Variants in TFCP2L1 observed in about 807,000 individuals in gnomAD.
TFCP2L1 encodes the protein transcription factor CP2-like protein 1.
Under a neutral mutation model 72.2 loss-of-function variants are expected in TFCP2L1, and 12 were observed. The observed-to-expected ratio is 0.17, with a 90% CI of 0.11 to 0.27. The LOEUF is 0.27. Ranked by LOEUF, TFCP2L1 falls within the 10% of genes least tolerant of loss-of-function variation. The pLI is 1.00. For missense variants in TFCP2L1, 488 were observed against 624.6 expected (o/e 0.78, Z 2.33); for synonymous variants, 260 against 251.0 (o/e 1.04, Z -0.34).
intron 2 of TFCP2L1, among the ~76,000 whole-genome samples, chr2:121,250,163 A>G (rs1686575745): frequency 6.6e-6 from 1 of 152,216 alleles, no homozygotes; most frequent in Admixed American, 6.5e-5. Context: ...AAGGGTATGG[A>G]AATTATATTC....
chr2:121,239,721 C>T, intron 7 of TFCP2L1, 72 bp from the exon 8 acceptor site: 3 of 1,410,732 alleles, frequency 2.1e-6, no homozygotes, highest in Non-Finnish European at 2.9e-6. Context: ...TCCTCCCAAG[C>T]AGGCATGCAC....
chr2:121,268,685 A>T (rs1469889323), intron 2 of TFCP2L1, among the ~76,000 whole-genome samples: 1 of 151,736 alleles, frequency 6.6e-6, no homozygotes, highest in Non-Finnish European at 1.5e-5. Flanking sequence ...CCAGACTGGG[A>T]GCTGGGTACA....
rs758603684 is a variant in TFCP2L1 at position 121,237,838 on chromosome 2, C to T, written c.873G>A (p.Pro291=). The change falls in exon 9 of 15, where the codon CCG becomes CCA. Residue 291 remains proline, a synonymous_variant. Coordinates refer to ENST00000263707, the MANE Select transcript of TFCP2L1 (RefSeq NM_014553.3). ...SFGLGEGNAS[P]THPVEALPVG... The stretch of plus-strand genomic sequence containing the variant: ...CGGGCAGGGCCTCCACCGGGTGGGT[C>T]GGAGAGGCGTTGCTGCAAGGAAAAG... 21 of 1,614,004 alleles carry T rather than the reference C, an allele frequency of 1.3e-5. No homozygotes were observed. The highest frequency in any genetic ancestry group is 5.0e-5 in the Admixed American group (3 of 60,004).
At position 121,234,112 on chromosome 2, in the gene TFCP2L1, T is replaced by C; in HGVS notation, c.1177A>G (p.Ser393Gly). The change falls in exon 12 of 15, where the codon AGT becomes GGT. Residue 393 changes from serine (S) to glycine (G), a missense_variant. Around this residue, in one of 3 missense-constraint regions of TFCP2L1, gnomAD observed 286 missense variants for 329.0 expected, o/e 0.87. Transcript: ENST00000263707. Reference protein sequence around the residue: ...RVPLQQKRDGSGDSNLSVYHA... With the variant: ...RVPLQQKRDGGGDSNLSVYHA... ...TCACCAGACAGGTTGCTGTCTCCAC[T>C]GCCGTCCCGCTTCTGCTGCAGGGGC... The C allele has an allele frequency of 6.2e-7, 1 of 1,613,804 alleles. No homozygotes were observed. Among genetic ancestry groups the C allele is most frequent in the Non-Finnish European group, 8.5e-7 (1 of 1,180,042 alleles).
In TFCP2L1 at chr2:121,281,185, A is replaced by G. The variant is rs1378199482; in HGVS notation, c.149T>C (p.Val50Ala). 1.2e-6 allele frequency: 2 copies of G among 1,610,560 alleles called. No individual in the cohort carries two copies. The highest frequency in any genetic ancestry group is 1.1e-5 in the South Asian group (1 of 90,994). ...NEARLPPLQY[V>A]LCAATSPAVK... is the part of the protein sequence containing the mutation. ...GGCTGGGGACGTGGCAGCACACAAC[A>G]CATATTGCAGGGGTGGCAGGCGGGC... Residue 50 changes from valine (V) to alanine (A), a missense_variant, in exon 2 of 15, where the codon GTG becomes GCG. Physicochemically the swap from Val to Ala is moderately conservative, Grantham distance 64. Around this residue, in one of 3 missense-constraint regions of TFCP2L1, gnomAD observed 129 missense variants for 236.0 expected, o/e 0.55. Coordinates refer to ENST00000263707, the MANE Select transcript of TFCP2L1 (RefSeq NM_014553.3).
intron 2 of TFCP2L1, among the ~76,000 whole-genome samples, chr2:121,257,804 T>G (rs1343263043): frequency 6.6e-6 from 1 of 152,198 alleles, no homozygotes; most frequent in East Asian, 1.9e-4. Context: ...ATATAATTTT[T>G]CTTCTTCCTG....
chr2:121,226,312 T>G (rs1686032235), intron 13 of TFCP2L1, among the ~76,000 whole-genome samples: 1 of 150,962 alleles, frequency 6.6e-6, no homozygotes, highest in Admixed American at 6.6e-5. Context: ...CCATCTAGTA[T>G]GAATATGAAG....
chr2:121,254,596 G>C (rs776330376), intron 2 of TFCP2L1, among the ~76,000 whole-genome samples: 8 of 152,156 alleles, frequency 5.3e-5, no homozygotes, highest in Non-Finnish European at 8.8e-5. Context: ...TCAGGAGTTC[G>C]AGACCAGCAT....
intron 11 of TFCP2L1, among the ~76,000 whole-genome samples, chr2:121,234,911 A>G (rs1686212997): frequency 6.6e-6 from 1 of 152,222 alleles, no homozygotes; most frequent in Non-Finnish European, 1.5e-5. Flanking sequence ...CCACACAAGC[A>G]TCTGAGAACA....
chr2:121,218,415 G>A lies in TFCP2L1; in HGVS notation c.*5926C>T, dbSNP rs1387690183. ...GGCCCACCGTATGCTAGCTGACAAGGGCAGTCACACACCGGTAAGTGCTGA... is the reference window on the plus strand; with the variant it reads ...GGCCCACCGTATGCTAGCTGACAAGAGCAGTCACACACCGGTAAGTGCTGA... On this transcript the variant is annotated 3_prime_UTR_variant, in exon 15 of 15. Coordinates refer to ENST00000263707, the MANE Select transcript of TFCP2L1 (RefSeq NM_014553.3). 3 of 152,170 alleles carry A rather than the reference G, an allele frequency of 2.0e-5. No individual in the cohort carries two copies. Among genetic ancestry groups the A allele is most frequent in the South Asian group, 4.1e-4 (2 of 4,832 alleles). 9.4% of individuals were successfully genotyped at this position (152,170 alleles called of 1,614,324 possible).
intron 13 of TFCP2L1, 121 bp from the exon 14 acceptor site, chr2:121,225,734 G>A: frequency 9.9e-7 from 1 of 1,014,878 alleles, no homozygotes. Flanking sequence ...CTGCCACGGT[G>A]CCCACACACA....
At chr2:121,242,113 A>T (rs760348628) in intron 7 of TFCP2L1, among the ~76,000 whole-genome samples, 9 of 148,452 alleles carry the variant, frequency 6.1e-5, no homozygotes, top group Non-Finnish European at 1.2e-4. Context: ...AAAAAAGGGA[A>T]CCTAATTTGG....
At chr2:121,239,493 A>G (rs1441193382) in intron 8 of TFCP2L1, 65 bp downstream of exon 8, 1 of 1,560,910 alleles carries the variant, frequency 6.4e-7, no homozygotes, top group East Asian at 2.2e-5. Context: ...AGAAAGGAAG[A>G]CTAAGAAAGG....
Position 121,237,801 on chromosome 2 carries a change from C to A in TFCP2L1, c.909+1G>T. 1 of 1,614,126 alleles carries A rather than the reference C, an allele frequency of 6.2e-7. No individual in the cohort carries two copies. Among genetic ancestry groups the A allele is most frequent in the Non-Finnish European group, 8.5e-7 (1 of 1,180,024 alleles). Reference sequence around the variant, plus strand: ...CCAGAAAGCCCTGCTCAGACACTTACGTCACTGCCCACGGGCAGGGCCTCC... The same window carrying A: ...CCAGAAAGCCCTGCTCAGACACTTAAGTCACTGCCCACGGGCAGGGCCTCC... On this transcript the variant is annotated splice_donor_variant, in intron 9 of 14. Transcript: ENST00000263707. LOFTEE classifies it high-confidence loss of function.
At chr2:121,236,603 C>T (rs1209939084) in intron 10 of TFCP2L1, among the ~76,000 whole-genome samples, 1 of 152,170 alleles carries the variant, frequency 6.6e-6, no homozygotes, top group Non-Finnish European at 1.5e-5. Context: ...ATTCTATAGA[C>T]ACAATGGCTT....
intron 2 of TFCP2L1, among the ~76,000 whole-genome samples, chr2:121,253,519 C>A (rs1686652369): frequency 6.6e-6 from 1 of 152,146 alleles, no homozygotes; most frequent in Non-Finnish European, 1.5e-5. Flanking sequence ...ATAAAGAATG[C>A]TGACAGCGGC....
rs922262801 is a variant in TFCP2L1, at chr2:121,235,459, TC to T, written c.1004-149del. ...TCACAGAGAGAAAATGGCAAAATGCTCAACAACATCAAAAGATTGCAGCCCA... is the reference window on the plus strand; with the variant it reads ...TCACAGAGAGAAAATGGCAAAATGCTAACAACATCAAAAGATTGCAGCCCA... On this transcript the variant is annotated intron_variant, in intron 10 of 14. Transcript: ENST00000263707. 1.1e-5 allele frequency: 8 copies of T among 720,378 alleles called. No homozygotes were observed. The Admixed American group carries it at 1.6e-4, about 15-fold the overall frequency. 44.6% of individuals were successfully genotyped at this position (720,378 alleles called of 1,614,324 possible). A position where few individuals can be genotyped will look rare whatever the true frequency, so the allele number is the denominator to read the frequency against.
In TFCP2L1 at chr2:121,218,638, C is replaced by T. The variant is rs6541770; in HGVS notation, c.*5703G>A. The stretch of plus-strand genomic sequence containing the variant: ...GGCCAGCTGGGGCCCAAGCACTGAC[C>T]GTCCTTCCCCACCTTATCCCATCAG... On this transcript the variant is annotated 3_prime_UTR_variant, in exon 15 of 15. Coordinates refer to ENST00000263707, the MANE Select transcript of TFCP2L1 (RefSeq NM_014553.3). 25,504 of 152,364 alleles carry T rather than the reference C, an allele frequency of 0.17. 2,639 individuals are homozygous for T. Among genetic ancestry groups the T allele is most frequent in the African/African-American group, 0.27 (11,390 of 41,492 alleles). The allele number at this position is 152,364 out of a possible 1,614,324, so 9.4% of individuals were successfully genotyped here. A position where few individuals can be genotyped will look rare whatever the true frequency, so the allele number is the denominator to read the frequency against.
chr2:121,231,893 G>T lies in TFCP2L1; in HGVS notation c.1274C>A (p.Ser425Tyr). ...IEKIANLYSI[S>Y]PQHIHRVYRQ... ...GTAGACTCGGTGGATGTGCTGGGGG[G>T]AGATGCTGTACAGGTTGGCGATCTT... is the stretch of plus-strand genomic sequence containing the variant. The change falls in exon 13 of 15, where the codon TCC becomes TAC. Residue 425 changes from serine (S) to tyrosine (Y), a missense_variant. Physicochemically the swap from Ser to Tyr is moderately radical, Grantham distance 144. Around this residue, in one of 3 missense-constraint regions of TFCP2L1, gnomAD observed 286 missense variants for 329.0 expected, o/e 0.87. Coordinates refer to ENST00000263707, the MANE Select transcript of TFCP2L1 (RefSeq NM_014553.3). 1.9e-6 allele frequency: 3 copies of T among 1,613,640 alleles called. No homozygotes were observed. Among genetic ancestry groups the T allele is most frequent in the Non-Finnish European group, 2.5e-6 (3 of 1,179,768 alleles).
Sources: gnomAD v4.1 joint callset for allele counts (sites outside exome capture counted in the v4.1 genomes callset) on GRCh38, gnomAD v4.1.1 for gene constraint, gnomAD v4.1.1 regional missense constraint, MANE v1.5 for transcripts, NCBI Gene and HGNC (gene_info 2026-07-23, HGNC 2026-07-21) for gene names.